NAV1: variants seen among roughly 807,000 people sequenced by gnomAD.
The protein encoded by NAV1 is neuron navigator 1.
NAV1 carries 18 observed loss-of-function variants against 175.2 expected under a neutral mutation model. That is an observed-to-expected ratio of 0.10 (90% CI 0.07 to 0.15). NAV1 has a LOEUF of 0.15. Among genes scored for constraint, NAV1 ranks in the 10% least tolerant of loss-of-function variants. The pLI is 1.00. For synonymous variants in NAV1, 897 were observed against 978.7 expected, an observed-to-expected ratio of 0.92 and a Z score of 1.56; for missense variants, 1,731 against 2,436.6, an observed-to-expected ratio of 0.71 and a Z score of 6.10.
chr1:201,727,122 C>T (rs239975), intron 3 of NAV1, among the ~76,000 whole-genome samples: 1,870 of 152,244 alleles, frequency 0.012, 18 homozygotes, highest in Non-Finnish European at 0.019. Context: ...AATACTCTTA[C>T]GTTAGATATC....
chr1:201,674,391 T>TGGG (rs879937362), intron 1 of NAV1, among the ~76,000 whole-genome samples: 1 of 136,258 alleles, frequency 7.3e-6, no homozygotes, highest in African/African-American at 2.9e-5. Flanking sequence ...GAGTGTGTGT[T>TGGG]GGGGGGGGTT....
chr1:201,554,552 G>A (rs1665956801), intron 1 of NAV1, among the ~76,000 whole-genome samples: 1 of 152,184 alleles, frequency 6.6e-6, no homozygotes, highest in African/African-American at 2.4e-5. Context: ...AAGAGCCGTG[G>A]GAGAGACTTT....
At chr1:201,703,560 G>A (rs748121126) in intron 1 of NAV1, among the ~76,000 whole-genome samples, 4 of 152,178 alleles carry the variant, frequency 2.6e-5, no homozygotes, top group Non-Finnish European at 5.9e-5. Context: ...ACAGTCCTCC[G>A]CATGGACCAC....
At position 201,812,487 on chromosome 1, in the gene NAV1, G is replaced by C. The variant is rs1678755639; in HGVS notation, c.5047G>C (p.Val1683Leu). ...CAGGATGTTGACCTTCTCCAACAAC[G>C]TGGAGCCAGCCAATGGCTTCCTGGT... Residue 1683 changes from valine (V) to leucine (L), a missense_variant, in exon 27 of 30, where the codon GTG (valine) becomes CTG (leucine). Val to Leu is a conservative substitution (Grantham distance 32, BLOSUM62 1). Around this residue, in one of 13 missense-constraint regions of NAV1, gnomAD observed 115 missense variants for 269.4 expected, o/e 0.43. Transcript: ENST00000367296. This position sits in a 1 kb window ranked among gnomAD's most constrained non-coding sequence, Gnocchi z 4.6. The C allele has an allele frequency of 6.2e-7, 1 of 1,614,016 alleles. No individual in the cohort carries two copies. The highest frequency in any genetic ancestry group is 1.1e-5 in the South Asian group (1 of 91,078).
intron 15 of NAV1, chr1:201,797,233 G>T (rs1003488326): frequency 6.6e-6 from 1 of 152,178 alleles, no homozygotes; most frequent in African/African-American, 2.4e-5. Flanking sequence ...TTGCTGAAAA[G>T]ACTATTTTTT....
At chr1:201,804,579 TAAAAAAAAAAA>T (rs377039916) in intron 17 of NAV1, 82 bp downstream of exon 21, 2 of 356,620 alleles carry the variant, frequency 5.6e-6, no homozygotes, top group East Asian at 4.4e-5. Context: ...TCCCTTCCCC[TAAAAAAAAAAA>T]AAAAAAAAAA....
chr1:201,676,706 G>A lies in NAV1; in HGVS notation c.757+27281G>A, dbSNP rs536152225. 1.1e-3 allele frequency among the ~76,000 whole-genome samples: 165 copies of A among 152,246 alleles called. 2 individuals are homozygous for A. The highest frequency in any genetic ancestry group is 7.9e-3 in the South Asian group (38 of 4,826). On this transcript the variant is annotated intron_variant, in intron 1 of 29. Coordinates refer to ENST00000367296, the Ensembl canonical transcript of NAV1. The stretch of plus-strand genomic sequence containing the variant: ...GCAGCCCAAGCCCTTTCTGGCCCTG[G>A]CGAACCTTCCCCATTCCCCTCTTGC...
chr1:201,703,153 C>A (rs750468187), intron 1 of NAV1, among the ~76,000 whole-genome samples: 1 of 152,212 alleles, frequency 6.6e-6, no homozygotes, highest in Non-Finnish European at 1.5e-5. Flanking sequence ...CAGCTCCCAG[C>A]AGCAGTGACT....
chr1:201,597,018 G>A (rs1419843185), intron 2 of NAV1, among the ~76,000 whole-genome samples: 1 of 152,136 alleles, frequency 6.6e-6, no homozygotes, highest in Non-Finnish European at 1.5e-5. Context: ...TAGAGATGGA[G>A]TTTCATCATG....
chr1:201,766,486 T>C (rs1476307721), intron 3 of NAV1, among the ~76,000 whole-genome samples: 1 of 152,250 alleles, frequency 6.6e-6, no homozygotes, highest in East Asian at 1.9e-4. Flanking sequence ...TTTTCAAAAC[T>C]GAGCATCACA....
At chr1:201,593,580 A>G (rs1667268596) in intron 2 of NAV1, among the ~76,000 whole-genome samples, 1 of 152,130 alleles carries the variant, frequency 6.6e-6, no homozygotes, top group Non-Finnish European at 1.5e-5. Flanking sequence ...CTTTTGGCGC[A>G]TTCTCTTCTG....
intron 1 of NAV1, 27 bp downstream of exon 5, chr1:201,649,452 C>G: frequency 6.8e-7 from 1 of 1,478,828 alleles, no homozygotes; most frequent in Non-Finnish European, 9.0e-7. Flanking sequence ...CGCCCCGCCC[C>G]GCCCCTGGCT....
At chr1:201,583,959 C>G (rs1558006886) in intron 1 of NAV1, among the ~76,000 whole-genome samples, 1 of 152,218 alleles carries the variant, frequency 6.6e-6, no homozygotes, top group Non-Finnish European at 1.5e-5. Flanking sequence ...TCTCTGTACT[C>G]CAACTTCGTC....
intron 1 of NAV1, among the ~76,000 whole-genome samples, chr1:201,627,416 G>T (rs374599324): frequency 1.3e-5 from 2 of 152,022 alleles, no homozygotes; most frequent in African/African-American, 4.8e-5. Flanking sequence ...GAGATTACAG[G>T]CATGCACCAC....
chr1:201,552,516 G>A (rs1176726893), intron 1 of NAV1, among the ~76,000 whole-genome samples: 3 of 152,224 alleles, frequency 2.0e-5, no homozygotes, highest in Non-Finnish European at 4.4e-5. Context: ...GACGCATGTG[G>A]GGTAATGCAC....
chr1:201,631,949 A>G (rs1482980388), intron 2 of NAV1, among the ~76,000 whole-genome samples: 2 of 152,148 alleles, frequency 1.3e-5, no homozygotes, highest in Non-Finnish European at 2.9e-5. Flanking sequence ...TATGATTTGA[A>G]TGAATGAGTA....
In NAV1 at chr1:201,787,863, T is replaced by C; in HGVS notation, c.2996-605T>C. Reference sequence around the variant, plus strand: ...GACACTTTCACCTGCTCTGTCCATCTGACCTTCAAGCCGGGGCAATGCTAG... The same window carrying C: ...GACACTTTCACCTGCTCTGTCCATCCGACCTTCAAGCCGGGGCAATGCTAG... On this transcript the variant is annotated intron_variant, in intron 9 of 29. Coordinates refer to ENST00000367296, the Ensembl canonical transcript of NAV1. This position sits in a 1 kb window ranked among gnomAD's most constrained non-coding sequence, Gnocchi z 4.3. The C allele has an allele frequency of 2.7e-6, 1 of 364,218 alleles. No individual in the cohort carries two copies. 22.6% of individuals were successfully genotyped at this position (364,218 alleles called of 1,614,324 possible).
chr1:201,710,208 CCTTTA>C (rs1671840977), intron 1 of NAV1, among the ~76,000 whole-genome samples: 2 of 150,422 alleles, frequency 1.3e-5, no homozygotes. Flanking sequence ...TGTATGTATC[CCTTTA>C]CTTTTTTTCA....
upstream of NAV1, among the ~76,000 whole-genome samples, chr1:201,645,003 G>A (rs1455258188): frequency 6.6e-6 from 1 of 152,178 alleles, no homozygotes; most frequent in Non-Finnish European, 1.5e-5. Flanking sequence ...GCAACAAATG[G>A]AATCATGTTT....
Sources: gnomAD v4.1 joint callset for allele counts (sites outside exome capture counted in the v4.1 genomes callset) on GRCh38, gnomAD v4.1.1 for gene constraint, gnomAD v4.1.1 regional missense constraint, Gnocchi (gnomAD v3.1) non-coding constraint, MANE v1.5 for transcripts, NCBI Gene and HGNC (gene_info 2026-07-23, HGNC 2026-07-21) for gene names.